The following FMNL3 variants were observed in gnomAD, a reference collection of about 807,000 sequenced individuals.
FMNL3 encodes the protein formin-like protein 3.
Under a neutral mutation model 119.6 loss-of-function variants are expected in FMNL3, and 57 were observed. The observed-to-expected ratio is 0.48, with a 90% CI of 0.39 to 0.59. The LOEUF (loss-of-function observed/expected upper bound fraction) is 0.59, where lower values mean the gene tolerates loss of function less well. Ranked by LOEUF, FMNL3 falls within the 20% of genes least tolerant of loss-of-function variation. The pLI is 0.00. For synonymous variants in FMNL3, 491 were observed against 507.3 expected (o/e 0.97, Z 0.43); for missense variants, 1,053 against 1,323.5 (o/e 0.80, Z 3.17).
Position 49,643,282 on chromosome 12 carries a change from G to A in FMNL3, c.*2533C>T, listed in dbSNP as rs112086658. Reference sequence around the variant, plus strand: ...CATCTCTCCGGCCCCCCAAGCGGAGGAGGCGGAACCCCTCAGAGTCAGGCT... The same window carrying A: ...CATCTCTCCGGCCCCCCAAGCGGAGAAGGCGGAACCCCTCAGAGTCAGGCT... On this transcript the variant is annotated 3_prime_UTR_variant, in exon 26 of 26. Transcript: ENST00000335154. 1.6e-4 allele frequency: 264 copies of A among 1,613,950 alleles called. 2 individuals carry two copies. The African/African-American group carries it at 2.9e-3, about 18-fold the overall frequency.
Position 49,649,422 on chromosome 12 carries a change from C to A in FMNL3, c.2304+48G>T. 6.2e-7 allele frequency: 1 copy of A among 1,612,968 alleles called. No individual in the cohort carries two copies. The highest frequency in any genetic ancestry group is 8.5e-7 in the Non-Finnish European group (1 of 1,179,090). ...CTCTCTGTATAGCCCCAGGCCCCCA[C>A]CTAGGACCTGAAAACCCCCAGCACC... On this transcript the variant is annotated intron_variant, in intron 19 of 25. Transcript: ENST00000335154. This position sits in a 1 kb window ranked among gnomAD's most constrained non-coding sequence, Gnocchi z 5.6.
At position 49,645,733 on chromosome 12, in the gene FMNL3, C is replaced by T; in HGVS notation, c.*82G>A. The T allele has an allele frequency of 2.4e-6, 3 of 1,253,782 alleles. No individual in the cohort carries two copies. The highest frequency in any genetic ancestry group is 3.3e-6 in the Non-Finnish European group (3 of 899,356). 77.7% of individuals were successfully genotyped at this position (1,253,782 alleles called of 1,614,324 possible). A position where few individuals can be genotyped will look rare whatever the true frequency, so the allele number is the denominator to read the frequency against. On this transcript the variant is annotated 3_prime_UTR_variant, in exon 26 of 26. Transcript: ENST00000335154. ...GTTGAGAGAGCAACACAGCCCTCTC[C>T]TGAGCCCTTGGCCAATTCCAGGTCC... is the stretch of plus-strand genomic sequence containing the variant.
chr12:49,702,675 A>G lies in FMNL3; in HGVS notation c.126+4380T>C, dbSNP rs570670617. 5.3e-5 allele frequency among the ~76,000 whole-genome samples: 8 copies of G among 152,190 alleles called. No individual in the cohort carries two copies. The South Asian group carries it at 6.2e-4, about 12-fold the overall frequency. On this transcript the variant is annotated intron_variant, in intron 1 of 25. Coordinates refer to ENST00000335154, the MANE Select transcript of FMNL3 (RefSeq NM_175736.5). Reference sequence around the variant, plus strand: ...GCTTCCCCCAGACTAAGGCAGGGTCATATCAGAAGGTCAAGGGAATAAGAC... The same window carrying G: ...GCTTCCCCCAGACTAAGGCAGGGTCGTATCAGAAGGTCAAGGGAATAAGAC...
Position 49,647,615 on chromosome 12 carries a change from G to A in FMNL3, c.2778+88C>T, listed in dbSNP as rs1053445257. On this transcript the variant is annotated intron_variant, in intron 23 of 25. Coordinates refer to ENST00000335154, the MANE Select transcript of FMNL3 (RefSeq NM_175736.5). This position sits in a 1 kb window ranked among gnomAD's most constrained non-coding sequence, Gnocchi z 4.9. The stretch of plus-strand genomic sequence containing the variant: ...CTTCCCAGGACTCGGAGGAGGAGTC[G>A]GAAAAGGCCCATACTTTAAGCCCAG... The A allele has an allele frequency of 3.1e-5, 38 of 1,229,360 alleles. No individual in the cohort carries two copies. Among genetic ancestry groups the A allele is most frequent in the Middle Eastern group, 3.8e-4 (2 of 5,236 alleles). 76.2% of individuals were successfully genotyped at this position (1,229,360 alleles called of 1,614,324 possible).
intron 5 of FMNL3, among the ~76,000 whole-genome samples, chr12:49,659,321 C>G (rs1749024695): frequency 6.6e-6 from 1 of 152,166 alleles, no homozygotes; most frequent in African/African-American, 2.4e-5. Flanking sequence ...GATTGTAGAC[C>G]AGGGTCCTGT....
In FMNL3 at chr12:49,643,911, C is replaced by T. The variant is rs754790262; in HGVS notation, c.*1904G>A. The T allele has an allele frequency of 1.2e-5, 20 of 1,613,978 alleles. No homozygotes were observed. Among genetic ancestry groups the T allele is most frequent in the African/African-American group, 4.0e-5 (3 of 74,884 alleles). ...CTGAGGAGAAAGCTGGCAAGGAGAG[C>T]GATGAGAAAGAACAAGAACAGGACA... On this transcript the variant is annotated 3_prime_UTR_variant, in exon 26 of 26. Transcript: ENST00000335154.
At position 49,636,846 on chromosome 12, in the gene FMNL3, C is replaced by T. The variant is rs114081796; in HGVS notation, c.*8969G>A. 2.3e-4 allele frequency: 372 copies of T among 1,613,834 alleles called. 2 individuals carry two copies. In the African/African-American group the frequency reaches 4.5e-3, roughly 19 times the overall value. On this transcript the variant is annotated 3_prime_UTR_variant, in exon 26 of 26. Transcript: ENST00000335154. ...AACAACGCAAGAATCGGGAGGCCTT[C>T]CAGGTATCTTTGCTGTCCTTTCTAG...
Position 49,666,010 on chromosome 12 carries a change from A to T in FMNL3, c.292-102T>A, listed in dbSNP as rs1009908391. ...CAGGCCCTTGGCCACAGAACCCTGA[A>T]ATCCAACTCCCAATGCTCAGAAACA... is the stretch of plus-strand genomic sequence containing the variant. On this transcript the variant is annotated intron_variant, in intron 3 of 25. Coordinates refer to ENST00000335154, the MANE Select transcript of FMNL3 (RefSeq NM_175736.5). The T allele has an allele frequency of 6.5e-6, 10 of 1,544,464 alleles. No individual in the cohort carries two copies. In the African/African-American group the frequency reaches 8.2e-5, roughly 13 times the overall value.
Position 49,642,847 on chromosome 12 carries a change from G to A in FMNL3, c.*2968C>T. ...GAAGGCTCTAGTCTGAGAAAGGGAG[G>A]CAAAGCCAGATTTTAGGAAGTAGGA... On this transcript the variant is annotated 3_prime_UTR_variant, in exon 26 of 26. Transcript: ENST00000335154. The surrounding 1 kb of genome is among the most constrained non-coding windows in gnomAD (Gnocchi z 5.8). 6.7e-7 allele frequency: 1 copy of A among 1,499,478 alleles called. No homozygotes were observed. The highest frequency in any genetic ancestry group is 9.1e-7 in the Non-Finnish European group (1 of 1,100,140). The allele number at this position is 1,499,478 out of a possible 1,614,324, so 92.9% of individuals were successfully genotyped here.
intron 1 of FMNL3, among the ~76,000 whole-genome samples, chr12:49,703,567 C>T (rs995297865): frequency 1.3e-5 from 2 of 152,010 alleles, no homozygotes; most frequent in Non-Finnish European, 2.9e-5. Context: ...GGGGTAGAAG[C>T]TGATCCCATC....
intron 4 of FMNL3, among the ~76,000 whole-genome samples, chr12:49,663,724 G>A (rs564022206): frequency 7.4e-4 from 112 of 152,368 alleles, no homozygotes; most frequent in African/African-American, 2.5e-3. Context: ...CCAGCAGCCA[G>A]AGGGGCAGGC....
At chr12:49,652,858 C>T (rs1173012925) in intron 13 of FMNL3, among the ~76,000 whole-genome samples, 5 of 152,150 alleles carry the variant, frequency 3.3e-5, no homozygotes, top group African/African-American at 4.8e-5. Flanking sequence ...CATCCTAATA[C>T]ACAGAGCACT....
chr12:49,689,925 G>C (rs1250026916), intron 1 of FMNL3, among the ~76,000 whole-genome samples: 3 of 152,080 alleles, frequency 2.0e-5, no homozygotes, highest in Non-Finnish European at 4.4e-5. Context: ...GCTGATTAAA[G>C]ACCTGACTAA....
At position 49,649,310 on chromosome 12, in the gene FMNL3, G is replaced by A. The variant is rs779202045; in HGVS notation, c.2334C>T (p.Asn778=). Residue 778 remains asparagine, a synonymous_variant, in exon 20 of 26, where the codon AAC becomes AAT. Coordinates refer to ENST00000335154, the MANE Select transcript of FMNL3 (RefSeq NM_175736.5). This position sits in a 1 kb window ranked among gnomAD's most constrained non-coding sequence, Gnocchi z 5.6. Reference sequence around the variant, plus strand: ...CATACACAGCTCCCCGCTTGCTGCTGTTCATGTAGTTCCCCAGTGCAAGTA... The same window carrying A: ...CATACACAGCTCCCCGCTTGCTGCTATTCATGTAGTTCCCCAGTGCAAGTA... ...EIILALGNYM[N]SSKRGAVYGF... The A allele has an allele frequency of 2.5e-6, 4 of 1,614,200 alleles. No individual in the cohort carries two copies. The highest frequency in any genetic ancestry group is 3.4e-6 in the Non-Finnish European group (4 of 1,180,034).
rs148266866 is a variant in FMNL3, at chr12:49,640,548, C to T, written c.*5267G>A. The T allele has an allele frequency of 1.1e-3, 165 of 152,258 alleles. 1 individual carries two copies. The highest frequency in any genetic ancestry group is 3.9e-3 in the African/African-American group (160 of 41,542). The allele number at this position is 152,258 out of a possible 1,614,324, so 9.4% of individuals were successfully genotyped here. A position where few individuals can be genotyped will look rare whatever the true frequency, so the allele number is the denominator to read the frequency against. On this transcript the variant is annotated 3_prime_UTR_variant, in exon 26 of 26. Transcript: ENST00000335154. The stretch of plus-strand genomic sequence containing the variant: ...CAAGCAACCTTTGGGAGAGTAGAGT[C>T]ATGGAGGTGGCATGGGGGCAGCACA...
At chr12:49,670,302 C>T (rs1332119402) in intron 1 of FMNL3, among the ~76,000 whole-genome samples, 1 of 152,244 alleles carries the variant, frequency 6.6e-6, no homozygotes, top group Non-Finnish European at 1.5e-5. Flanking sequence ...AACATTTATT[C>T]TGTCATATTA....
intron 1 of FMNL3, among the ~76,000 whole-genome samples, chr12:49,694,160 T>A (rs1170528919): frequency 1.3e-5 from 2 of 152,080 alleles, no homozygotes; most frequent in African/African-American, 2.4e-5. Flanking sequence ...CCTCAAGTGA[T>A]CCTCCAGCTT....
Position 49,639,420 on chromosome 12 carries a change from G to T in FMNL3, c.*6395C>A, listed in dbSNP as rs1294315470. The T allele has an allele frequency of 6.6e-6, 1 of 152,372 alleles. No individual in the cohort carries two copies. The highest frequency in any genetic ancestry group is 1.5e-5 in the Non-Finnish European group (1 of 68,072). 9.4% of individuals were successfully genotyped at this position (152,372 alleles called of 1,614,324 possible). A position where few individuals can be genotyped will look rare whatever the true frequency, so the allele number is the denominator to read the frequency against. On this transcript the variant is annotated 3_prime_UTR_variant, in exon 26 of 26. Coordinates refer to ENST00000335154, the MANE Select transcript of FMNL3 (RefSeq NM_175736.5). ...TGGAAGAGGGTGAGCAGGGAGAAAA[G>T]TCAGTAGGCTGTGCAGGAATCTTGT...
chr12:49,663,166 C>T (rs1266876198), intron 4 of FMNL3, among the ~76,000 whole-genome samples: 1 of 152,228 alleles, frequency 6.6e-6, no homozygotes, highest in African/African-American at 2.4e-5. Context: ...ACAGGCCTCC[C>T]GTTTCCTGTC....
Sources: gnomAD v4.1 joint callset for allele counts (sites outside exome capture counted in the v4.1 genomes callset) on GRCh38, gnomAD v4.1.1 for gene constraint, Gnocchi (gnomAD v3.1) non-coding constraint, MANE v1.5 for transcripts, NCBI Gene and HGNC (gene_info 2026-07-23, HGNC 2026-07-21) for gene names.